Variants in MYO9A observed in about 807,000 individuals in gnomAD.
The protein encoded by MYO9A is myosin IXA.
A neutral mutation model predicts 293.3 loss-of-function variants in MYO9A; 103 were observed. That is an observed-to-expected ratio of 0.35 (90% CI 0.30 to 0.41). MYO9A has a LOEUF of 0.41. MYO9A is among the 10% of genes least tolerant of loss of function. The pLI, the probability that MYO9A is intolerant of heterozygous loss-of-function variation, is 1.00. For synonymous variants in MYO9A, 1,001 were observed against 1,035.7 expected (o/e 0.97, Z 0.64); for missense variants, 2,685 against 3,033.0 (o/e 0.89, Z 2.69).
chr15:71,958,788 C>T (rs2059260797), intron 14 of MYO9A: 1 of 152,156 alleles, frequency 6.6e-6, no homozygotes, highest in Non-Finnish European at 1.5e-5. Context: ...AGAGAAAATA[C>T]AGGTTGTTTA....
intron 1 of MYO9A, among the ~76,000 whole-genome samples, chr15:72,106,260 T>C (rs2080564452): frequency 1.3e-5 from 1 of 76,950 alleles, no homozygotes; most frequent in South Asian, 4.5e-4. Flanking sequence ...GGAGGACTGC[T>C]TGAGGCCAGG....
intron 1 of MYO9A, among the ~76,000 whole-genome samples, chr15:72,076,029 C>T (rs2079339296): frequency 6.6e-6 from 1 of 152,060 alleles, no homozygotes; most frequent in African/African-American, 2.4e-5. Flanking sequence ...ATGGGCCAGG[C>T]GTGGTGGCTC....
At chr15:71,882,042 A>G (rs2056886904) in intron 28 of MYO9A, among the ~76,000 whole-genome samples, 1 of 152,128 alleles carries the variant, frequency 6.6e-6, no homozygotes, top group South Asian at 2.1e-4. Flanking sequence ...CCTTTCCACC[A>G]TTCTTTCCTC....
At position 71,823,829 on chromosome 15, in the gene MYO9A, A is replaced by G. The variant is rs539920034; in HGVS notation, c.*2751T>C. 1.3e-3 allele frequency: 199 copies of G among 152,320 alleles called. No individual in the cohort carries two copies. Among genetic ancestry groups the G allele is most frequent in the African/African-American group, 4.5e-3 (187 of 41,568 alleles). 9.4% of individuals were successfully genotyped at this position (152,320 alleles called of 1,614,324 possible). A position where few individuals can be genotyped will look rare whatever the true frequency, so the allele number is the denominator to read the frequency against. ...GAGCTGCCCCACTGCTGCCATGCAG[A>G]GATCAAACAAGCAAAGGAGAAGCAC... On this transcript the variant is annotated 3_prime_UTR_variant, in exon 42 of 42. Transcript: ENST00000356056.
intron 11 of MYO9A, among the ~76,000 whole-genome samples, chr15:71,985,492 T>C (rs2076386839): frequency 6.6e-6 from 1 of 152,224 alleles, no homozygotes; most frequent in South Asian, 2.1e-4. Context: ...CCAGGTTTAC[T>C]TCTGATTTAC....
At chr15:72,104,184 G>C (rs1417779317) in intron 1 of MYO9A, among the ~76,000 whole-genome samples, 1 of 152,132 alleles carries the variant, frequency 6.6e-6, no homozygotes, top group Non-Finnish European at 1.5e-5. Flanking sequence ...TCTCACAAGG[G>C]TAAACAACTG....
At chr15:72,023,912 G>A (rs2077583993) in intron 4 of MYO9A, among the ~76,000 whole-genome samples, 1 of 151,944 alleles carries the variant, frequency 6.6e-6, no homozygotes, top group South Asian at 2.1e-4. Flanking sequence ...ATTCTTGAAA[G>A]GCAAAGACAA....
At chr15:71,991,585 C>T (rs1397799466) in intron 10 of MYO9A, among the ~76,000 whole-genome samples, 2 of 152,108 alleles carry the variant, frequency 1.3e-5, no homozygotes, top group East Asian at 3.9e-4. Context: ...AAGGTTATTT[C>T]AATGAAGGAT....
intron 1 of MYO9A, among the ~76,000 whole-genome samples, chr15:72,092,153 CTTTGG>C (rs2079934665): frequency 6.6e-6 from 1 of 152,166 alleles, no homozygotes; most frequent in Non-Finnish European, 1.5e-5. Context: ...CAAACTCAGG[CTTTGG>C]TTTTCATAGT....
intron 25 of MYO9A, among the ~76,000 whole-genome samples, chr15:71,895,701 CTAATATA>C: frequency 6.6e-6 from 1 of 151,796 alleles, no homozygotes; most frequent in East Asian, 1.9e-4. Context: ...TTAATATAAT[CTAATATA>C]TAATAATTTT....
At chr15:72,040,324 T>A (rs2078189203) in intron 2 of MYO9A, 1 of 152,274 alleles carries the variant, frequency 6.6e-6, no homozygotes, top group South Asian at 2.1e-4. Flanking sequence ...GACAGGCAAG[T>A]AACAAAAGGT....
chr15:71,925,325 A>ATATATACG (rs1383038712), intron 18 of MYO9A, among the ~76,000 whole-genome samples: 2 of 23,220 alleles, frequency 8.6e-5, no homozygotes, highest in Non-Finnish European at 2.1e-4. Context: ...GTATATGTAC[A>ATATATACG]TATATACGTA....
At chr15:71,881,322 T>C (rs951263638) in intron 28 of MYO9A, among the ~76,000 whole-genome samples, 12 of 152,088 alleles carry the variant, frequency 7.9e-5, no homozygotes, top group African/African-American at 2.7e-4. Context: ...TCATTTCACA[T>C]GCTTGTCTTC....
intron 15 of MYO9A, among the ~76,000 whole-genome samples, chr15:71,940,394 A>AT (rs1354126714): frequency 6.6e-6 from 1 of 151,638 alleles, no homozygotes; most frequent in Non-Finnish European, 1.5e-5. Flanking sequence ...TGAGAGTCTG[A>AT]TGTGGGAGAA....
At chr15:71,878,740 ATTTT>A (rs200866619) in intron 30 of MYO9A, among the ~76,000 whole-genome samples, 6 of 108,620 alleles carry the variant, frequency 5.5e-5, no homozygotes, top group Non-Finnish European at 1.1e-4. Flanking sequence ...GAGATCTGGA[ATTTT>A]TTTTTTTTTT....
At chr15:72,004,441 C>T (rs1311719516) in intron 8 of MYO9A, among the ~76,000 whole-genome samples, 3 of 152,122 alleles carry the variant, frequency 2.0e-5, no homozygotes, top group African/African-American at 7.2e-5. Flanking sequence ...CCTGTAATCT[C>T]AGCTACCTGG....
chr15:72,028,860 TTATTTATTGG>T, intron 3 of MYO9A, among the ~76,000 whole-genome samples: 1 of 152,178 alleles, frequency 6.6e-6, no homozygotes. Flanking sequence ...TACTCTATAG[TTATTTATTGG>T]GCACTATATC....
chr15:71,886,558 A>C (rs2057026157), intron 27 of MYO9A, among the ~76,000 whole-genome samples: 1 of 152,008 alleles, frequency 6.6e-6, no homozygotes. Context: ...CCAGATAATA[A>C]ATTTCTTGTT....
intron 11 of MYO9A, 126 bp downstream of exon 11, chr15:71,990,977 T>A: frequency 1.0e-6 from 1 of 975,822 alleles, no homozygotes. Context: ...AAAGGCACGT[T>A]TCAATATTTA....
Sources: allele counts gnomAD v4.1 joint callset (sites outside exome capture counted in the v4.1 genomes callset), GRCh38; gene constraint gnomAD v4.1.1; transcripts MANE v1.5; gene names NCBI Gene and HGNC (gene_info 2026-07-23, HGNC 2026-07-21).